NAALADL2: variants seen among roughly 807,000 people sequenced by gnomAD.
NAALADL2 encodes the protein inactive N-acetylated-alpha-linked acidic dipeptidase-like protein 2.
NAALADL2 carries 76 observed loss-of-function variants against 87.2 expected under a neutral mutation model. The observed-to-expected ratio is 0.87, with a 90% CI of 0.72 to 1.05. NAALADL2 has a LOEUF of 1.05. NAALADL2 is among the 50% of genes least tolerant of loss of function. The pLI, the probability that NAALADL2 is intolerant of heterozygous loss-of-function variation, is 0.00. For missense variants in NAALADL2, 1,089 were observed against 945.8 expected, an observed-to-expected ratio of 1.15 and a Z score of -1.99; for synonymous variants, 354 against 331.0, an observed-to-expected ratio of 1.07 and a Z score of -0.75.
intron 2 of NAALADL2, among the ~76,000 whole-genome samples, chr3:174,627,595 A>T (rs1467645681): frequency 6.6e-6 from 1 of 152,232 alleles, no homozygotes; most frequent in African/African-American, 2.4e-5. Flanking sequence ...GTTGTGTTTT[A>T]TCCAAAGGAA....
chr3:175,806,690 C>CTTTTTT lies in NAALADL2; in HGVS notation c.*3506_*3511dup, dbSNP rs200269579. The CTTTTTT allele has an allele frequency of 8.4e-6, 1 of 119,446 alleles. No individual in the cohort carries two copies. The highest frequency in any genetic ancestry group is 1.8e-5 in the Non-Finnish European group (1 of 56,350). The allele number at this position is 119,446 out of a possible 1,614,324, so 7.4% of individuals were successfully genotyped here. A position where few individuals can be genotyped will look rare whatever the true frequency, so the allele number is the denominator to read the frequency against. Reference sequence around the variant, plus strand: ...TGTTTTAGAATTTTTCCCATGTATCCTTTTTTTTTTTTTTTTTTTTTTTTA... The same window carrying CTTTTTT: ...TGTTTTAGAATTTTTCCCATGTATCCTTTTTTTTTTTTTTTTTTTTTTTTTTTTTTA... On this transcript the variant is annotated 3_prime_UTR_variant, in exon 14 of 14. Coordinates refer to ENST00000454872, the MANE Select transcript of NAALADL2 (RefSeq NM_207015.3).
chr3:175,132,724 T>C (rs1442524571), intron 2 of NAALADL2, among the ~76,000 whole-genome samples: 13 of 139,864 alleles, frequency 9.3e-5, no homozygotes, highest in Non-Finnish European at 1.9e-4. Flanking sequence ...CACTTCCCAG[T>C]AGGGGTGGCC....
At chr3:175,325,655 T>G (rs1339696206) in intron 5 of NAALADL2, among the ~76,000 whole-genome samples, 1 of 152,222 alleles carries the variant, frequency 6.6e-6, no homozygotes, top group Non-Finnish European at 1.5e-5. Context: ...AGTTGGTAAG[T>G]TGGTTGGCAC....
At chr3:174,725,867 A>G (rs1489353783) in intron 2 of NAALADL2, among the ~76,000 whole-genome samples, 1 of 152,200 alleles carries the variant, frequency 6.6e-6, no homozygotes. Context: ...CAGAGGAATG[A>G]CCAACTTGTT....
At chr3:175,241,777 T>G (rs1746932698) in intron 3 of NAALADL2, among the ~76,000 whole-genome samples, 1 of 151,680 alleles carries the variant, frequency 6.6e-6, no homozygotes, top group African/African-American at 2.4e-5. Flanking sequence ...GTGGTTAAAG[T>G]GCAGTGGACT....
chr3:174,594,830 A>G (rs1470112860), intron 2 of NAALADL2, among the ~76,000 whole-genome samples: 1 of 152,196 alleles, frequency 6.6e-6, no homozygotes, highest in African/African-American at 2.4e-5. Context: ...GAGTTGATAT[A>G]TCTGAGTTGA....
At chr3:175,413,156 T>C (rs2149096459) in intron 5 of NAALADL2, among the ~76,000 whole-genome samples, 2 of 143,836 alleles carry the variant, frequency 1.4e-5, no homozygotes, top group East Asian at 4.5e-4. Context: ...CCCAGCACTT[T>C]GGGAGGCTGA....
chr3:175,267,684 T>C (rs1752165895), intron 4 of NAALADL2, among the ~76,000 whole-genome samples: 1 of 152,092 alleles, frequency 6.6e-6, no homozygotes, highest in Non-Finnish European at 1.5e-5. Flanking sequence ...TCTTTACAGT[T>C]CTGACATGAG....
At chr3:175,117,649 C>T (rs1725474062) in intron 2 of NAALADL2, among the ~76,000 whole-genome samples, 1 of 150,594 alleles carries the variant, frequency 6.6e-6, no homozygotes. Flanking sequence ...GAAATAGGAA[C>T]ACTTTTACAC....
chr3:174,649,744 A>G (rs947555176), intron 2 of NAALADL2, among the ~76,000 whole-genome samples: 1 of 152,206 alleles, frequency 6.6e-6, no homozygotes, highest in Non-Finnish European at 1.5e-5. Flanking sequence ...TGAATGGAAT[A>G]TAACCTAGCC....
chr3:175,089,871 T>C (rs1462758124), intron 1 of NAALADL2, among the ~76,000 whole-genome samples: 2 of 152,186 alleles, frequency 1.3e-5, no homozygotes, highest in East Asian at 3.9e-4. Context: ...CAACCCTCTT[T>C]GCTATGCCTA....
intron 2 of NAALADL2, among the ~76,000 whole-genome samples, chr3:174,570,310 C>T (rs1469609804): frequency 1.3e-5 from 2 of 151,682 alleles, no homozygotes; most frequent in African/African-American, 2.4e-5. Flanking sequence ...AAAATTTAAA[C>T]ATATATTTTC....
At chr3:175,495,094 T>TATATATATATATATATA (rs1167550415) in intron 9 of NAALADL2, among the ~76,000 whole-genome samples, 31 of 133,282 alleles carry the variant, frequency 2.3e-4, no homozygotes, top group African/African-American at 6.8e-4. Context: ...ATATATATAT[T>TATATATATATATATATA]TTTTTTTAAT....
chr3:175,210,901 C>A (rs1741680775), intron 2 of NAALADL2, among the ~76,000 whole-genome samples: 1 of 151,588 alleles, frequency 6.6e-6, no homozygotes, highest in African/African-American at 2.4e-5. Context: ...AGAGGCTGAG[C>A]AGGATTTATT....
chr3:175,567,369 G>T (rs1005081209), intron 9 of NAALADL2, among the ~76,000 whole-genome samples: 2 of 150,120 alleles, frequency 1.3e-5, no homozygotes, highest in Admixed American at 1.3e-4. Context: ...AAATATTTTC[G>T]TATTTCTCTA....
intron 9 of NAALADL2, among the ~76,000 whole-genome samples, chr3:175,566,226 A>G (rs906923897): frequency 6.6e-6 from 1 of 152,184 alleles, no homozygotes; most frequent in African/African-American, 2.4e-5. Flanking sequence ...AGGGAATTTT[A>G]AAAATGTAAC....
intron 11 of NAALADL2, among the ~76,000 whole-genome samples, chr3:175,726,552 A>G (rs1742946755): frequency 6.6e-6 from 1 of 152,130 alleles, no homozygotes; most frequent in East Asian, 1.9e-4. Flanking sequence ...TTTCTCCAGC[A>G]AGGTTAAGCT....
At chr3:174,723,755 C>CAAAAAAAAAAAAAAAAAAAA (rs10663395) in intron 2 of NAALADL2, among the ~76,000 whole-genome samples, 1 of 27,554 alleles carries the variant, frequency 3.6e-5, no homozygotes, top group African/African-American at 2.0e-4. Context: ...GACTCCGTCT[C>CAAAAAAAAAAAAAAAAAAAA]AAAAAAAAAA....
chr3:174,947,491 G>A (rs1333565697), intron 1 of NAALADL2, among the ~76,000 whole-genome samples: 7 of 151,964 alleles, frequency 4.6e-5, no homozygotes, highest in Admixed American at 4.6e-4. Flanking sequence ...TGGTAGTATT[G>A]TAATTTGAAT....
Sources: allele counts gnomAD v4.1 joint callset (sites outside exome capture counted in the v4.1 genomes callset), GRCh38; gene constraint gnomAD v4.1.1; transcripts MANE v1.5; gene names NCBI Gene and HGNC (gene_info 2026-07-23, HGNC 2026-07-21).